ASXL3: variants seen among roughly 807,000 people sequenced by gnomAD.
ASXL3 encodes ASXL transcriptional regulator 3.
A neutral mutation model predicts 170.6 loss-of-function variants in ASXL3; 34 were observed. The observed-to-expected ratio is 0.20, with a 90% CI of 0.15 to 0.27. ASXL3 has a LOEUF of 0.27. Ranked by LOEUF, ASXL3 falls within the 10% of genes least tolerant of loss-of-function variation. The pLI is 1.00. For synonymous variants in ASXL3, 1,002 were observed against 989.1 expected (o/e 1.01, Z -0.24); for missense variants, 2,592 against 2,695.3 (o/e 0.96, Z 0.85).
At chr18:33,693,353 CAA>C (rs1222296204) in intron 8 of ASXL3, among the ~76,000 whole-genome samples, 1 of 151,748 alleles carries the variant, frequency 6.6e-6, no homozygotes, top group Non-Finnish European at 1.5e-5. Context: ...GATTTACTGA[CAA>C]AAGTTTTAGA....
chr18:33,596,448 A>G (rs1159761116), intron 1 of ASXL3, among the ~76,000 whole-genome samples: 2 of 152,216 alleles, frequency 1.3e-5, no homozygotes, highest in Non-Finnish European at 1.5e-5. Context: ...GAAAAGAATT[A>G]CTATTAACTG....
chr18:33,630,606 C>T (rs1478170153), intron 2 of ASXL3, among the ~76,000 whole-genome samples: 1 of 151,924 alleles, frequency 6.6e-6, no homozygotes, highest in Non-Finnish European at 1.5e-5. Context: ...TTAGACATTT[C>T]CTTTATCAAA....
intron 8 of ASXL3, among the ~76,000 whole-genome samples, chr18:33,701,916 T>G (rs369539014): frequency 5.8e-4 from 89 of 152,250 alleles, no homozygotes; most frequent in African/African-American, 2.0e-3. Flanking sequence ...TTCTTTAGAG[T>G]GCATAATCTC....
intron 7 of ASXL3, among the ~76,000 whole-genome samples, chr18:33,676,697 G>A (rs889849902): frequency 1.3e-5 from 2 of 152,140 alleles, no homozygotes; most frequent in African/African-American, 4.8e-5. Context: ...TATCTGCTGG[G>A]ATGAAGTGTA....
intron 2 of ASXL3, chr18:33,614,739 A>G (rs1320777749): frequency 6.6e-6 from 1 of 152,146 alleles, no homozygotes; most frequent in Non-Finnish European, 1.5e-5. Flanking sequence ...GTATGAAAGC[A>G]ACATTAGTCT....
intron 4 of ASXL3, among the ~76,000 whole-genome samples, chr18:33,655,571 A>G (rs2066070581): frequency 1.3e-5 from 2 of 152,036 alleles, no homozygotes; most frequent in South Asian, 4.1e-4. Flanking sequence ...CCAAATACCT[A>G]TACCTATCTT....
At position 33,578,681 on chromosome 18, in the gene ASXL3, G is replaced by A; in HGVS notation, c.50G>A (p.Arg17His). ...KKDRTWAEAA[R>H]LALEKHPNSP... Reference sequence around the variant, plus strand: ...GACCGCACCTGGGCCGAGGCTGCCCGCCTGGTACGTACCGCCCCCCACACG... The same window carrying A: ...GACCGCACCTGGGCCGAGGCTGCCCACCTGGTACGTACCGCCCCCCACACG... Residue 17 changes from arginine to histidine, a missense_variant, in exon 1 of 12, where the codon CGC becomes CAC. Transcript: ENST00000269197. The A allele has an allele frequency of 1.5e-6, 2 of 1,330,124 alleles. No individual in the cohort carries two copies. Among genetic ancestry groups the A allele is most frequent in the Non-Finnish European group, 2.0e-6 (2 of 1,015,784 alleles). 82.4% of individuals were successfully genotyped at this position (1,330,124 alleles called of 1,614,324 possible).
rs769537271 is a variant in ASXL3 at position 33,747,118 on chromosome 18, C to T, written c.*523C>T. 3 of 152,368 alleles carry T rather than the reference C, an allele frequency of 2.0e-5. No individual in the cohort carries two copies. The highest frequency in any genetic ancestry group is 7.2e-5 in the African/African-American group (3 of 41,406). The allele number at this position is 152,368 out of a possible 1,614,324, so 9.4% of individuals were successfully genotyped here. On this transcript the variant is annotated 3_prime_UTR_variant, in exon 12 of 12. Transcript: ENST00000269197. ...AATGTGTGATTCCTTGTATTTGCTC[C>T]TATCACAAAAGATATATTAAAGGAG... is the stretch of plus-strand genomic sequence containing the variant.
chr18:33,703,093 G>T (rs1016430418), intron 8 of ASXL3, among the ~76,000 whole-genome samples: 9 of 152,164 alleles, frequency 5.9e-5, no homozygotes, highest in Admixed American at 1.3e-4. Context: ...CTCTTTCCCT[G>T]GTTCTCTCTG....
rs950609005 is a variant in ASXL3, at chr18:33,666,192, A to G, written c.477+4455A>G. Among the ~76,000 whole-genome samples, 9 of 152,276 alleles carry G rather than the reference A, an allele frequency of 5.9e-5. No homozygotes were observed. The East Asian group carries it at 1.7e-3, about 29-fold the overall frequency. ...GATATTGCTTCTTTCTGGATTTGAAATGACAGAATTTAAAGTTGTTCTACA... is the reference window on the plus strand; with the variant it reads ...GATATTGCTTCTTTCTGGATTTGAAGTGACAGAATTTAAAGTTGTTCTACA... On this transcript the variant is annotated intron_variant, in intron 5 of 11. Coordinates refer to ENST00000269197, the MANE Select transcript of ASXL3 (RefSeq NM_030632.3).
At chr18:33,651,294 T>A (rs1361361999) in intron 4 of ASXL3, among the ~76,000 whole-genome samples, 1 of 152,148 alleles carries the variant, frequency 6.6e-6, no homozygotes, top group Non-Finnish European at 1.5e-5. Context: ...ACTCTGTGTC[T>A]AATATATATT....
chr18:33,613,572 G>T (rs2065372380), intron 2 of ASXL3, among the ~76,000 whole-genome samples: 1 of 152,072 alleles, frequency 6.6e-6, no homozygotes, highest in African/African-American at 2.4e-5. Flanking sequence ...ACTGTAGTCT[G>T]TTGGGTGTGC....
chr18:33,650,956 TTTTTA>T (rs1568305121), intron 4 of ASXL3, among the ~76,000 whole-genome samples: 1 of 152,066 alleles, frequency 6.6e-6, no homozygotes, highest in South Asian at 2.1e-4. Flanking sequence ...ATTGAGTACT[TTTTTA>T]TTTTGTTTTA....
intron 1 of ASXL3, among the ~76,000 whole-genome samples, chr18:33,582,428 A>G (rs76804044): frequency 0.071 from 10,739 of 152,196 alleles, 413 homozygotes; most frequent in African/African-American, 0.082. Flanking sequence ...TCTTTTTTTG[A>G]CATGCAAAAA....
chr18:33,642,505 C>T (rs572568599), intron 2 of ASXL3, among the ~76,000 whole-genome samples: 15 of 151,812 alleles, frequency 9.9e-5, no homozygotes, highest in Non-Finnish European at 2.1e-4. Flanking sequence ...TTGCATTTGA[C>T]TGCAAATTAT....
At chr18:33,587,144 C>T (rs1018273289) in intron 1 of ASXL3, among the ~76,000 whole-genome samples, 4 of 152,142 alleles carry the variant, frequency 2.6e-5, no homozygotes, top group African/African-American at 9.7e-5. Flanking sequence ...TTACCTTTAA[C>T]CAAAAGTACC....
chr18:33,634,931 C>T (rs976740027), intron 2 of ASXL3, among the ~76,000 whole-genome samples: 1 of 152,066 alleles, frequency 6.6e-6, no homozygotes, highest in African/African-American at 2.4e-5. Flanking sequence ...GAACTAAATG[C>T]TACAATAGTA....
chr18:33,586,738 C>A lies in ASXL3; in HGVS notation c.54+8053C>A, dbSNP rs985435972. 3.3e-5 allele frequency among the ~76,000 whole-genome samples: 5 copies of A among 152,050 alleles called. No individual in the cohort carries two copies. In the East Asian group the frequency reaches 9.6e-4, roughly 29 times the overall value. ...ATGAGGATGTCAGCCCTGATCTTTC[C>A]CCTGAATTTTAGAATTTTGTTAATA... On this transcript the variant is annotated intron_variant, in intron 1 of 11. Transcript: ENST00000269197.
chr18:33,664,017 A>G (rs1599464199), intron 5 of ASXL3, among the ~76,000 whole-genome samples: 1 of 152,266 alleles, frequency 6.6e-6, no homozygotes, highest in East Asian at 1.9e-4. Flanking sequence ...AATCATAATC[A>G]TATGAACCTA....
Sources: allele counts gnomAD v4.1 joint callset (sites outside exome capture counted in the v4.1 genomes callset), GRCh38; gene constraint gnomAD v4.1.1; transcripts MANE v1.5; gene names NCBI Gene and HGNC (gene_info 2026-07-23, HGNC 2026-07-21).